SH3RF3: variants seen among roughly 807,000 people sequenced by gnomAD.
SH3RF3 encodes the protein E3 ubiquitin-protein ligase SH3RF3.
A neutral mutation model predicts 66.3 loss-of-function variants in SH3RF3; 29 were observed. That is an observed-to-expected ratio of 0.44 (90% CI 0.33 to 0.60). The LOEUF is 0.60. SH3RF3 is among the 20% of genes least tolerant of loss of function. SH3RF3 has a pLI of 0.04. For missense variants in SH3RF3, 1,194 were observed against 1,190.9 expected (o/e 1.00, Z -0.04); for synonymous variants, 583 against 532.0 (o/e 1.10, Z -1.32).
intron 1 of SH3RF3, among the ~76,000 whole-genome samples, chr2:109,234,979 A>G (rs1370744075): frequency 1.3e-5 from 2 of 152,190 alleles, no homozygotes; most frequent in Non-Finnish European, 2.9e-5. Flanking sequence ...CCAGATCCCA[A>G]CGTTTGACTA....
chr2:109,432,708 G>C, intron 6 of SH3RF3, 37 bp downstream of exon 6: 1 of 1,593,226 alleles, frequency 6.3e-7, no homozygotes, highest in Non-Finnish European at 8.5e-7. Flanking sequence ...GCAAGGAGAG[G>C]GCAAGGGCCT....
intron 2 of SH3RF3, among the ~76,000 whole-genome samples, chr2:109,362,393 A>T (rs760091060): frequency 6.6e-5 from 10 of 152,112 alleles, no homozygotes; most frequent in Non-Finnish European, 1.5e-4. Context: ...TCTATTATGG[A>T]TGTCTAATTT....
chr2:109,268,635 G>A (rs903116657), intron 1 of SH3RF3, among the ~76,000 whole-genome samples: 4 of 152,100 alleles, frequency 2.6e-5, no homozygotes, highest in Non-Finnish European at 2.9e-5. Context: ...GTGCAGAAGC[G>A]ATACACATTC....
intron 1 of SH3RF3, among the ~76,000 whole-genome samples, chr2:109,138,269 C>T (rs762787778): frequency 2.8e-4 from 43 of 152,290 alleles, no homozygotes; most frequent in Admixed American, 2.3e-3. Context: ...CCTCGTGATC[C>T]GCCCGCCTTG....
intron 8 of SH3RF3, among the ~76,000 whole-genome samples, chr2:109,472,335 T>A (rs1678538953): frequency 6.6e-6 from 1 of 151,574 alleles, no homozygotes; most frequent in African/African-American, 2.4e-5. Context: ...TCACCTGCAC[T>A]CTCGGTGGTC....
chr2:109,272,609 G>A (rs946042665), intron 1 of SH3RF3, among the ~76,000 whole-genome samples: 3 of 152,232 alleles, frequency 2.0e-5, no homozygotes, highest in Non-Finnish European at 2.9e-5. Flanking sequence ...TGCTGCAGGC[G>A]AGTGGTGAGC....
intron 2 of SH3RF3, among the ~76,000 whole-genome samples, chr2:109,368,539 AC>A (rs2105665413): frequency 6.6e-6 from 1 of 151,930 alleles, no homozygotes; most frequent in Admixed American, 6.6e-5. Context: ...AAAATTGGCA[AC>A]CTTCCTCAAA....
At chr2:109,285,432 A>T (rs1334192757) in intron 1 of SH3RF3, among the ~76,000 whole-genome samples, 1 of 152,232 alleles carries the variant, frequency 6.6e-6, no homozygotes, top group African/African-American at 2.4e-5. Context: ...CTGATTCTCC[A>T]GTGCAGTGTG....
intron 1 of SH3RF3, among the ~76,000 whole-genome samples, chr2:109,274,896 G>T (rs995808981): frequency 6.6e-6 from 1 of 150,858 alleles, no homozygotes; most frequent in Non-Finnish European, 1.5e-5. Context: ...CTAGATAGAG[G>T]TAGTGGCTGC....
intron 8 of SH3RF3, among the ~76,000 whole-genome samples, chr2:109,486,919 A>G (rs751705388): frequency 6.6e-6 from 1 of 152,234 alleles, no homozygotes; most frequent in African/African-American, 2.4e-5. Flanking sequence ...TGTTCCTAAC[A>G]GATCCGGCTG....
At chr2:109,133,769 A>T (rs191345219) in intron 1 of SH3RF3, among the ~76,000 whole-genome samples, 2 of 148,800 alleles carry the variant, frequency 1.3e-5, no homozygotes, top group Non-Finnish European at 1.5e-5. Flanking sequence ...CCTGTTACAG[A>T]CTATTGAATT....
At chr2:109,378,740 A>G (rs970628907) in intron 3 of SH3RF3, among the ~76,000 whole-genome samples, 1 of 151,638 alleles carries the variant, frequency 6.6e-6, no homozygotes, top group African/African-American at 2.4e-5. Flanking sequence ...AACCTTCTCT[A>G]CTCCATGCCC....
chr2:109,501,770 T>A lies in SH3RF3; in HGVS notation c.*99T>A. 1.5e-6 allele frequency: 1 copy of A among 648,166 alleles called. No individual in the cohort carries two copies. The allele number at this position is 648,166 out of a possible 1,614,324, so 40.2% of individuals were successfully genotyped here. A position where few individuals can be genotyped will look rare whatever the true frequency, so the allele number is the denominator to read the frequency against. On this transcript the variant is annotated 3_prime_UTR_variant, in exon 10 of 10. Transcript: ENST00000309415. ...GCCATGGCGCCCCAAGGGTTCCAGG[T>A]CATCTCCAAGGCACCTGGCGGGGGA...
At chr2:109,200,982 G>T (rs1208936985) in intron 1 of SH3RF3, among the ~76,000 whole-genome samples, 1 of 152,174 alleles carries the variant, frequency 6.6e-6, no homozygotes, top group African/African-American at 2.4e-5. Flanking sequence ...CCGGGCTGCT[G>T]CTGGGGACAA....
intron 1 of SH3RF3, among the ~76,000 whole-genome samples, chr2:109,305,485 G>A (rs1681569724): frequency 1.3e-5 from 2 of 152,198 alleles, no homozygotes; most frequent in South Asian, 4.1e-4. Flanking sequence ...GCACCTGCTA[G>A]TTTCCTTCTG....
At chr2:109,147,370 G>A (rs1375955801) in intron 1 of SH3RF3, among the ~76,000 whole-genome samples, 1 of 152,192 alleles carries the variant, frequency 6.6e-6, no homozygotes, top group Non-Finnish European at 1.5e-5. Context: ...TAAGCACCTT[G>A]TTGTTGCTGG....
At chr2:109,148,001 A>G (rs1318747475) in intron 1 of SH3RF3, among the ~76,000 whole-genome samples, 1 of 152,332 alleles carries the variant, frequency 6.6e-6, no homozygotes, top group East Asian at 1.9e-4. Flanking sequence ...GGGCCCCTCA[A>G]AATCCATGGT....
intron 8 of SH3RF3, among the ~76,000 whole-genome samples, chr2:109,489,234 T>A (rs1679063626): frequency 6.6e-6 from 1 of 152,236 alleles, no homozygotes. Flanking sequence ...GAACAAATGC[T>A]GGTCACCAAG....
chr2:109,258,167 G>A (rs976618578), intron 1 of SH3RF3, among the ~76,000 whole-genome samples: 2 of 152,156 alleles, frequency 1.3e-5, no homozygotes, highest in African/African-American at 2.4e-5. Context: ...CCCCATCAAC[G>A]AGGCTTACGA....
Sources: gnomAD v4.1 joint callset for allele counts (sites outside exome capture counted in the v4.1 genomes callset) on GRCh38, gnomAD v4.1.1 for gene constraint, MANE v1.5 for transcripts, NCBI Gene and HGNC (gene_info 2026-07-23, HGNC 2026-07-21) for gene names.